PACRG: variants seen among roughly 807,000 people sequenced by gnomAD.
PACRG encodes parkin coregulated gene protein.
In PACRG, 29 loss-of-function variants were observed where a neutral mutation model predicts 29.7. The observed-to-expected ratio is 0.98, with a 90% CI of 0.73 to 1.33. PACRG has a LOEUF of 1.33. Ranked by LOEUF, PACRG falls within the 40% of genes most tolerant of loss-of-function variation. PACRG has a pLI of 0.00. For missense variants in PACRG, 279 were observed against 316.2 expected (o/e 0.88, Z 0.89); for synonymous variants, 116 against 118.7 (o/e 0.98, Z 0.15).
chr6:163,117,276 A>G (rs1002400415), intron 4 of PACRG, among the ~76,000 whole-genome samples: 1 of 152,140 alleles, frequency 6.6e-6, no homozygotes, highest in African/African-American at 2.4e-5. Context: ...GTACAGAATT[A>G]CTGAGTGGCC....
chr6:163,152,260 C>T (rs1778123625), intron 4 of PACRG, among the ~76,000 whole-genome samples: 1 of 152,164 alleles, frequency 6.6e-6, no homozygotes, highest in South Asian at 2.1e-4. Flanking sequence ...TATTTTGGGA[C>T]ATTAAATGGC....
intron 4 of PACRG, among the ~76,000 whole-genome samples, chr6:163,226,354 C>T (rs1382222446): frequency 6.6e-6 from 1 of 152,150 alleles, no homozygotes; most frequent in Non-Finnish European, 1.5e-5. Context: ...CTTAAATGTT[C>T]TCACCACAAA....
intron 3 of PACRG, among the ~76,000 whole-genome samples, chr6:163,077,234 G>A (rs1326057630): frequency 6.6e-6 from 1 of 152,150 alleles, no homozygotes; most frequent in Non-Finnish European, 1.5e-5. Flanking sequence ...ATTCTCTCAC[G>A]TGATTCTATC....
chr6:163,004,073 CA>C (rs528143876), intron 2 of PACRG, among the ~76,000 whole-genome samples: 2 of 151,538 alleles, frequency 1.3e-5, no homozygotes, highest in Non-Finnish European at 2.9e-5. Flanking sequence ...TTAGAATTTA[CA>C]AAAAAAATTC....
intron 2 of PACRG, among the ~76,000 whole-genome samples, chr6:162,857,131 A>C (rs535465094): frequency 4.6e-5 from 7 of 152,192 alleles, no homozygotes; most frequent in Non-Finnish European, 1.0e-4. Flanking sequence ...GAAAGCAAGC[A>C]AGCAACAGCC....
intron 2 of PACRG, chr6:163,046,520 A>G (rs970717150): frequency 1.1e-4 from 16 of 152,020 alleles, no homozygotes; most frequent in African/African-American, 3.1e-4. Flanking sequence ...AATAATGCCC[A>G]GAGGAGCTCC....
At chr6:163,297,054 A>G (rs1277671254) in intron 4 of PACRG, among the ~76,000 whole-genome samples, 4 of 152,266 alleles carry the variant, frequency 2.6e-5, no homozygotes. Context: ...TGCCTATCAG[A>G]AATTCCAAAT....
At chr6:163,128,629 T>G (rs1303947060) in intron 4 of PACRG, among the ~76,000 whole-genome samples, 1 of 152,212 alleles carries the variant, frequency 6.6e-6, no homozygotes, top group East Asian at 1.9e-4. Flanking sequence ...CACTGGCAGA[T>G]TGTTCACACA....
chr6:163,066,650 T>C (rs746494430), intron 3 of PACRG, among the ~76,000 whole-genome samples: 30 of 152,128 alleles, frequency 2.0e-4, no homozygotes, highest in Middle Eastern at 6.8e-3. Flanking sequence ...GGACAAAAGC[T>C]GAGTAGACAG....
At position 162,758,295 on chromosome 6, in the gene PACRG, G is replaced by A. The variant is rs140852860; in HGVS notation, c.156+29904G>A. On this transcript the variant is annotated intron_variant, in intron 1 of 4. Coordinates refer to ENST00000366888, the MANE Select transcript of PACRG (RefSeq NM_001080379.2). ...GACTTTACAAGCTCTAGACTCTAGT[G>A]ATATATATATGTCACACAGCTGATA... Among the ~76,000 whole-genome samples the A allele has an allele frequency of 3.5e-3, 537 of 152,078 alleles. 3 individuals carry two copies. Among genetic ancestry groups the A allele is most frequent in the African/African-American group, 0.012 (503 of 41,480 alleles).
intron 4 of PACRG, among the ~76,000 whole-genome samples, chr6:163,255,048 G>C (rs1295308014): frequency 2.6e-5 from 4 of 152,202 alleles, no homozygotes; most frequent in African/African-American, 9.6e-5. Context: ...TGCCCTGAGA[G>C]GTTAGCAAGT....
At chr6:162,819,152 C>G (rs1206636719) in intron 2 of PACRG, among the ~76,000 whole-genome samples, 1 of 152,034 alleles carries the variant, frequency 6.6e-6, no homozygotes, top group Non-Finnish European at 1.5e-5. Context: ...ATGAATAAAA[C>G]CAGAACTGAT....
chr6:162,821,726 T>C (rs181279248), intron 2 of PACRG, among the ~76,000 whole-genome samples: 59 of 152,200 alleles, frequency 3.9e-4, no homozygotes, highest in Admixed American at 8.5e-4. Flanking sequence ...CACAAATTGG[T>C]CTTTGATGAA....
intron 2 of PACRG, among the ~76,000 whole-genome samples, chr6:163,037,492 G>A (rs1253348693): frequency 6.6e-6 from 1 of 152,328 alleles, no homozygotes; most frequent in Middle Eastern, 3.4e-3. Flanking sequence ...ACTGTTGCAG[G>A]TTTGTGGGTG....
At position 163,062,083 on chromosome 6, in the gene PACRG, T is replaced by A. The variant is rs1585122581; in HGVS notation, c.292-67T>A. ...CCCTCTGGAGTGGGTGACAGCTGCA[T>A]AGCTTGTCTGCCGTGCTCTGCCCGA... On this transcript the variant is annotated intron_variant, in intron 2 of 4. Transcript: ENST00000366888. The A allele has an allele frequency of 5.2e-6, 8 of 1,544,746 alleles. No individual in the cohort carries two copies. The East Asian group carries it at 1.8e-4, about 35-fold the overall frequency.
Position 162,728,155 on chromosome 6 carries a change from T to C in PACRG, c.-81T>C. The C allele has an allele frequency of 1.3e-6, 2 of 1,504,406 alleles. No individual in the cohort carries two copies. The highest frequency in any genetic ancestry group is 1.8e-6 in the Non-Finnish European group (2 of 1,114,302). The allele number at this position is 1,504,406 out of a possible 1,614,324, so 93.2% of individuals were successfully genotyped here. ...ATTATCGCGCCTTTTGATATTTTTT[T>C]CCAGACCTCCTGCTCACATCCGTAA... is the stretch of plus-strand genomic sequence containing the variant. On this transcript the variant is annotated 5_prime_UTR_variant, in exon 1 of 5. Coordinates refer to ENST00000366888, the MANE Select transcript of PACRG (RefSeq NM_001080379.2).
At chr6:162,749,517 A>C (rs753115038) in intron 1 of PACRG, among the ~76,000 whole-genome samples, 2 of 151,976 alleles carry the variant, frequency 1.3e-5, no homozygotes, top group Admixed American at 1.3e-4. Flanking sequence ...AAAAGGAAAC[A>C]TATTTCTTTT....
intron 2 of PACRG, among the ~76,000 whole-genome samples, chr6:162,917,672 T>A (rs542678096): frequency 6.6e-6 from 1 of 152,328 alleles, no homozygotes; most frequent in South Asian, 2.1e-4. Flanking sequence ...CTTTTTGTTT[T>A]AAAATCCAGG....
At chr6:162,797,739 AT>A (rs1451605277) in intron 1 of PACRG, among the ~76,000 whole-genome samples, 10 of 152,020 alleles carry the variant, frequency 6.6e-5, no homozygotes, top group Admixed American at 6.6e-4. Flanking sequence ...TCTCTTTCAC[AT>A]TATTCATTTT....
Sources: gnomAD v4.1 joint callset for allele counts (sites outside exome capture counted in the v4.1 genomes callset) on GRCh38, gnomAD v4.1.1 for gene constraint, MANE v1.5 for transcripts, NCBI Gene and HGNC (gene_info 2026-07-23, HGNC 2026-07-21) for gene names.